IRAG2: variants seen among roughly 807,000 people sequenced by gnomAD.
IRAG2 encodes inositol 1,4,5-triphosphate receptor associated 2, also known as lymphoid restricted membrane protein.
IRAG2 carries 45 observed loss-of-function variants against 69.9 expected under a neutral mutation model. The observed-to-expected ratio is 0.64, with a 90% CI of 0.51 to 0.83. The LOEUF (loss-of-function observed/expected upper bound fraction) is 0.83, where lower values mean the gene tolerates loss of function less well. Among genes scored for constraint, IRAG2 ranks in the 40% least tolerant of loss-of-function variants. The pLI is 0.00. For missense variants in IRAG2, 520 were observed against 587.0 expected (o/e 0.89, Z 1.18); for synonymous variants, 193 against 202.4 (o/e 0.95, Z 0.40).
intron 9 of IRAG2, among the ~76,000 whole-genome samples, 190 bp from the exon 10 acceptor site, chr12:25,083,233 A>T (rs1947343269): frequency 6.6e-6 from 1 of 152,216 alleles, no homozygotes; most frequent in African/African-American, 2.4e-5. Context: ...GAAATCTTTT[A>T]CGGCCTTAGC....
At chr12:25,040,368 A>G (rs1275135349) in intron 16 of IRAG2, among the ~76,000 whole-genome samples, 1 of 152,154 alleles carries the variant, frequency 6.6e-6, no homozygotes, top group Non-Finnish European at 1.5e-5. Context: ...TGAGCTGGGC[A>G]TGGTGATGCA....
rs182382267 is a variant in IRAG2 at position 25,017,090 on chromosome 12, A to C, written c.1056-44A>C. On this transcript the variant is annotated intron_variant, in intron 5 of 38. Coordinates refer to the IRAG2 transcript ENST00000636465. Reference sequence around the variant, plus strand: ...CGTATACCTTATTTTATTAGAAGGAATTAGTGATGTGAAGGTTATTCTCAT... The same window carrying C: ...CGTATACCTTATTTTATTAGAAGGACTTAGTGATGTGAAGGTTATTCTCAT... The C allele has an allele frequency of 7.0e-3, 8,543 of 1,223,446 alleles. 51 individuals are homozygous for C. The highest frequency in any genetic ancestry group is 7.7e-3 in the Non-Finnish European group (7,563 of 980,462). 75.8% of individuals were successfully genotyped at this position (1,223,446 alleles called of 1,614,324 possible). A position where few individuals can be genotyped will look rare whatever the true frequency, so the allele number is the denominator to read the frequency against.
At chr12:25,022,961 A>G (rs946773282) in intron 7 of IRAG2, among the ~76,000 whole-genome samples, 2 of 152,284 alleles carry the variant, frequency 1.3e-5, no homozygotes, top group East Asian at 3.9e-4. Flanking sequence ...CCCTGTCTCT[A>G]CTAAAAATAC....
chr12:25,061,085 C>A (rs1945604454), intron 1 of IRAG2, among the ~76,000 whole-genome samples: 1 of 152,176 alleles, frequency 6.6e-6, no homozygotes, highest in Non-Finnish European at 1.5e-5. Context: ...CTTATCTGTT[C>A]TAGCCTGGTT....
At chr12:25,006,999 T>G (rs1319578352) in intron 2 of IRAG2, among the ~76,000 whole-genome samples, 1 of 152,220 alleles carries the variant, frequency 6.6e-6, no homozygotes, top group African/African-American at 2.4e-5. Flanking sequence ...GAGTAACCAT[T>G]GTTAGTGACT....
intron 16 of IRAG2, among the ~76,000 whole-genome samples, chr12:25,046,217 C>T (rs1047955737): frequency 7.2e-5 from 11 of 152,046 alleles, no homozygotes; most frequent in African/African-American, 2.7e-4. Flanking sequence ...AAAATTATCT[C>T]AACATAATAA....
chr12:25,060,344 G>A (rs2139958236), intron 1 of IRAG2, among the ~76,000 whole-genome samples: 1 of 152,280 alleles, frequency 6.6e-6, no homozygotes, highest in South Asian at 2.1e-4. Context: ...CAAAGAGCTA[G>A]TTAAATATTA....
intron 14 of IRAG2, among the ~76,000 whole-genome samples, chr12:25,092,480 G>A (rs1304038794): frequency 2.7e-5 from 4 of 148,466 alleles, no homozygotes; most frequent in Admixed American, 6.8e-5. Context: ...CAGGAGAATC[G>A]CTTGAACTCA....
intron 6 of IRAG2, among the ~76,000 whole-genome samples, chr12:25,020,590 A>T (rs990113741): frequency 1.3e-5 from 2 of 152,168 alleles, no homozygotes; most frequent in African/African-American, 2.4e-5. Flanking sequence ...CATAGTCTCC[A>T]TTCCCCACTC....
At chr12:25,104,289 CAGT>C (rs1162014309) in intron 19 of IRAG2, 69 bp from the exon 20 acceptor site, 17 of 1,049,064 alleles carry the variant, frequency 1.6e-5, no homozygotes, top group Non-Finnish European at 2.5e-5. Flanking sequence ...TTTACTTAAG[CAGT>C]AGGAAATAAA....
chr12:25,059,507 A>G (rs921966323), intron 1 of IRAG2, among the ~76,000 whole-genome samples: 1 of 151,998 alleles, frequency 6.6e-6, no homozygotes, highest in African/African-American at 2.4e-5. Context: ...GTGTGCTACC[A>G]TGCCTGGCTA....
intron 1 of IRAG2, among the ~76,000 whole-genome samples, chr12:25,053,746 T>C (rs1945023064): frequency 6.6e-6 from 1 of 151,416 alleles, no homozygotes; most frequent in Admixed American, 6.6e-5. Flanking sequence ...GAAAGTTACT[T>C]GGTTTGAGAA....
At chr12:25,000,521 G>A (rs1262122495), upstream of IRAG2, among the ~76,000 whole-genome samples, 11 of 152,284 alleles carry the variant, frequency 7.2e-5, no homozygotes, top group African/African-American at 2.6e-4. Flanking sequence ...GGAGGCTGAG[G>A]CAGGAGGATC....
At chr12:25,084,430 A>T (rs1444717629) in intron 10 of IRAG2, among the ~76,000 whole-genome samples, 1 of 152,066 alleles carries the variant, frequency 6.6e-6, no homozygotes, top group Non-Finnish European at 1.5e-5. Flanking sequence ...ACTCATTTCC[A>T]CTTCTATGAA....
intron 6 of IRAG2, among the ~76,000 whole-genome samples, chr12:25,078,190 A>T (rs17326622): frequency 0.11 from 16,194 of 152,280 alleles, 1,161 homozygotes; most frequent in Admixed American, 0.17. Context: ...TGGGAGAATT[A>T]AATGAGATGA....
At chr12:25,047,605 C>A (rs939829174), upstream of IRAG2, among the ~76,000 whole-genome samples, 8 of 152,096 alleles carry the variant, frequency 5.3e-5, no homozygotes, top group Non-Finnish European at 7.3e-5. Context: ...CTTCCTGATG[C>A]TCTCCCTCCT....
intron 6 of IRAG2, among the ~76,000 whole-genome samples, chr12:25,074,780 T>C (rs1464194253): frequency 6.6e-6 from 1 of 152,230 alleles, no homozygotes; most frequent in African/African-American, 2.4e-5. Context: ...ATACCAAATA[T>C]TAAGTGTCTT....
intron 14 of IRAG2, among the ~76,000 whole-genome samples, chr12:25,095,085 CT>C (rs1175388998): frequency 1.3e-5 from 2 of 152,098 alleles, no homozygotes; most frequent in African/African-American, 2.4e-5. Context: ...CCTAATTGTT[CT>C]GGCTAGAACT....
intron 6 of IRAG2, among the ~76,000 whole-genome samples, chr12:25,073,481 T>G (rs548535039): frequency 6.6e-6 from 1 of 152,340 alleles, no homozygotes; most frequent in East Asian, 1.9e-4. Context: ...CCTAAGAACT[T>G]GAGATTTACT....
Sources: allele counts gnomAD v4.1 joint callset (sites outside exome capture counted in the v4.1 genomes callset), GRCh38; gene constraint gnomAD v4.1.1; transcripts MANE v1.5; gene names NCBI Gene and HGNC (gene_info 2026-07-23, HGNC 2026-07-21).